The following PCDH7 variants were observed in gnomAD, a reference collection of about 807,000 sequenced individuals.
The protein encoded by PCDH7 is protocadherin-7.
Under a neutral mutation model 58.9 loss-of-function variants are expected in PCDH7, and 17 were observed. The ratio of observed to expected loss-of-function variants is 0.29; its 90% CI spans 0.20 to 0.43. The LOEUF is 0.43. Among genes scored for constraint, PCDH7 ranks in the 20% least tolerant of loss-of-function variants. The probability of loss-of-function intolerance (pLI) is 1.00; values close to 1 mark genes in which losing one functional copy is unlikely to be tolerated. For missense variants in PCDH7, 1,274 were observed against 1,441.0 expected (o/e 0.88, Z 1.88); for synonymous variants, 664 against 616.4 (o/e 1.08, Z -1.14).
chr4:31,134,702 T>G (rs1719386305), intron 3 of PCDH7, among the ~76,000 whole-genome samples: 2 of 152,176 alleles, frequency 1.3e-5, no homozygotes, highest in African/African-American at 4.8e-5. Context: ...CTACATGGTT[T>G]TTCATGTTCT....
intron 1 of PCDH7, among the ~76,000 whole-genome samples, chr4:30,739,327 A>G (rs1398657848): frequency 2.0e-5 from 3 of 151,452 alleles, no homozygotes; most frequent in African/African-American, 7.3e-5. Flanking sequence ...TCTAAGAAGT[A>G]CCTTTCTAAG....
intron 1 of PCDH7, among the ~76,000 whole-genome samples, chr4:30,774,564 T>C (rs1337285042): frequency 6.6e-6 from 1 of 152,174 alleles, no homozygotes; most frequent in East Asian, 1.9e-4. Context: ...AGCCGGGGTA[T>C]TGCAGTGAAC....
intron 1 of PCDH7, chr4:30,725,359 A>G: frequency 1.2e-6 from 1 of 864,790 alleles, no homozygotes; most frequent in Non-Finnish European, 1.4e-6. Context: ...TAATGAAAAT[A>G]TTCATGATTG....
chr4:31,027,308 T>A (rs1292958801), intron 3 of PCDH7, among the ~76,000 whole-genome samples: 1 of 152,220 alleles, frequency 6.6e-6, no homozygotes, highest in African/African-American at 2.4e-5. Flanking sequence ...ACACCTTAGT[T>A]GTTTGCTTGA....
At chr4:30,891,962 T>C (rs140321874) in intron 1 of PCDH7, among the ~76,000 whole-genome samples, 1 of 151,780 alleles carries the variant, frequency 6.6e-6, no homozygotes, top group Admixed American at 6.6e-5. Flanking sequence ...ATAGTATAGA[T>C]AGGAAAAAGA....
downstream of PCDH7, among the ~76,000 whole-genome samples, chr4:30,736,439 C>T: frequency 6.6e-6 from 1 of 151,522 alleles, no homozygotes; most frequent in South Asian, 2.1e-4. Flanking sequence ...ATGTGGTGTG[C>T]GACTGTGTTA....
intron 3 of PCDH7, among the ~76,000 whole-genome samples, chr4:31,074,295 C>T (rs1758790575): frequency 2.0e-5 from 3 of 151,182 alleles, no homozygotes; most frequent in Admixed American, 1.3e-4. Context: ...GTTCATTTAG[C>T]ACATTACTGT....
chr4:31,079,263 G>GA (rs964027447), intron 3 of PCDH7, among the ~76,000 whole-genome samples: 42 of 103,854 alleles, frequency 4.0e-4, no homozygotes, highest in Non-Finnish European at 7.3e-4. Context: ...TAAACCAAGT[G>GA]AAAAAAAAAT....
At chr4:31,089,210 G>A (rs1037770198) in intron 3 of PCDH7, among the ~76,000 whole-genome samples, 1 of 151,924 alleles carries the variant, frequency 6.6e-6, no homozygotes, top group Non-Finnish European at 1.5e-5. Flanking sequence ...GGTATAATTG[G>A]ACTATGTCTT....
intron 3 of PCDH7, among the ~76,000 whole-genome samples, chr4:31,074,928 C>T (rs1758860938): frequency 6.6e-6 from 1 of 151,550 alleles, no homozygotes; most frequent in Non-Finnish European, 1.5e-5. Flanking sequence ...TGTTAGTGTC[C>T]TTTCTTCTTC....
chr4:30,788,993 A>T lies in PCDH7; in HGVS notation c.70+64397A>T, dbSNP rs574632985. Reference sequence around the variant, plus strand: ...ATTGATCATTCATATTAAGAGAATCACATGCTGGTTTCCACTTAAATTGAC... The same window carrying T: ...ATTGATCATTCATATTAAGAGAATCTCATGCTGGTTTCCACTTAAATTGAC... On this transcript the variant is annotated intron_variant, in intron 1 of 3. Transcript: ENST00000509759. Among the ~76,000 whole-genome samples, 11 of 152,308 alleles carry T rather than the reference A, an allele frequency of 7.2e-5. No homozygotes were observed. In the South Asian group the frequency reaches 2.3e-3, roughly 32 times the overall value.
intron 3 of PCDH7, among the ~76,000 whole-genome samples, chr4:30,983,188 T>G (rs1273867744): frequency 6.6e-6 from 1 of 152,176 alleles, no homozygotes; most frequent in East Asian, 1.9e-4. Context: ...AAGAATATTA[T>G]CTAAGTAATC....
intron 3 of PCDH7, among the ~76,000 whole-genome samples, chr4:30,950,872 A>G (rs1191677729): frequency 1.3e-5 from 2 of 152,156 alleles, no homozygotes; most frequent in Non-Finnish European, 1.5e-5. Context: ...AGGGTGCTAT[A>G]TTTTGAAAGG....
chr4:30,762,183 G>T (rs1370054071), intron 1 of PCDH7, among the ~76,000 whole-genome samples: 1 of 152,122 alleles, frequency 6.6e-6, no homozygotes, highest in African/African-American at 2.4e-5. Flanking sequence ...GGCTATAAAA[G>T]CTGTGTGTTA....
chr4:30,927,378 G>A lies in PCDH7; in HGVS notation c.287+7009G>A, dbSNP rs12499716. ...GTGTACCCAACAGCTCATTGAGAAC[G>A]GGCCATGATGACAATGGCGGTTTTG... On this transcript the variant is annotated intron_variant, in intron 2 of 3. Coordinates refer to the PCDH7 transcript ENST00000509759. 6.3e-3 allele frequency among the ~76,000 whole-genome samples: 962 copies of A among 152,006 alleles called. 33 individuals are homozygous for A. Among genetic ancestry groups the A allele is most frequent in the Admixed American group, 0.047 (716 of 15,258 alleles).
chr4:30,922,674 G>A (rs1248208207), intron 2 of PCDH7, among the ~76,000 whole-genome samples: 2 of 152,048 alleles, frequency 1.3e-5, no homozygotes, highest in South Asian at 2.1e-4. Flanking sequence ...TTTAAGGCCT[G>A]TCAAAAGCAA....
In PCDH7 at chr4:30,776,815, G is replaced by C. The variant is rs137913377; in HGVS notation, c.70+52219G>C. 2.5e-3 allele frequency among the ~76,000 whole-genome samples: 383 copies of C among 151,658 alleles called. 2 individuals are homozygous for C. The highest frequency in any genetic ancestry group is 8.9e-3 in the African/African-American group (366 of 41,326). ...CATTTGAGTATATCATTAGGTACAC[G>C]TACTGGTTGTTCTTCAGAAATATGA... On this transcript the variant is annotated intron_variant, in intron 1 of 3. Coordinates refer to the PCDH7 transcript ENST00000509759.
chr4:31,011,082 A>G (rs1293020044), intron 3 of PCDH7, among the ~76,000 whole-genome samples: 1 of 151,970 alleles, frequency 6.6e-6, no homozygotes, highest in Non-Finnish European at 1.5e-5. Flanking sequence ...AATATGTATA[A>G]GATCCCTCAA....
chr4:31,102,875 G>A (rs1488917760), intron 3 of PCDH7, among the ~76,000 whole-genome samples: 1 of 152,068 alleles, frequency 6.6e-6, no homozygotes, highest in Non-Finnish European at 1.5e-5. Flanking sequence ...TTCATTGTGA[G>A]ATCTAAATGA....
Sources: allele counts gnomAD v4.1 joint callset (sites outside exome capture counted in the v4.1 genomes callset), GRCh38; gene constraint gnomAD v4.1.1; transcripts MANE v1.5; gene names NCBI Gene and HGNC (gene_info 2026-07-23, HGNC 2026-07-21).